Variants in RIOK3 observed in about 807,000 individuals in gnomAD.
RIOK3 encodes serine/threonine-protein kinase RIO3.
A neutral mutation model predicts 63.5 loss-of-function variants in RIOK3; 40 were observed. The ratio of observed to expected loss-of-function variants is 0.63; its 90% CI spans 0.49 to 0.82. The LOEUF (loss-of-function observed/expected upper bound fraction) is 0.82, where lower values mean the gene tolerates loss of function less well. RIOK3 is among the 40% of genes least tolerant of loss of function. RIOK3 has a pLI of 0.00. For missense variants in RIOK3, 557 were observed against 637.0 expected, an observed-to-expected ratio of 0.87 and a Z score of 1.35; for synonymous variants, 193 against 205.0, an observed-to-expected ratio of 0.94 and a Z score of 0.50.
At chr18:23,464,143 G>C in intron 3 of RIOK3, 31 bp downstream of exon 3, 1 of 1,607,834 alleles carries the variant, frequency 6.2e-7, no homozygotes, top group Non-Finnish European at 8.5e-7. Flanking sequence ...CAACTTCATT[G>C]AGTGGTAGAA....
Position 23,464,570 on chromosome 18 carries a change from T to C in RIOK3, c.485T>C (p.Ile162Thr), listed in dbSNP as rs201388220. 71 of 1,608,512 alleles carry C rather than the reference T, an allele frequency of 4.4e-5. No individual in the cohort carries two copies. The highest frequency in any genetic ancestry group is 5.7e-5 in the Non-Finnish European group (67 of 1,178,676). The change falls in exon 5 of 13, where the codon ATC becomes ACC. Residue 162 changes from isoleucine to threonine, a missense_variant. Ile to Thr is a moderately conservative substitution (Grantham distance 89, BLOSUM62 -1). Transcript: ENST00000339486. ...GGCTTTATTGGAAAAGGAAAAGATA[T>C]CACCACCAAACATGATGAAGTAGTA... ...KKGFIGKGKDITTKHDEVVCG... is the reference protein window; with the variant it reads ...KKGFIGKGKDTTTKHDEVVCG...
At chr18:23,480,452 T>A (rs1355736182) in intron 12 of RIOK3, among the ~76,000 whole-genome samples, 3 of 152,244 alleles carry the variant, frequency 2.0e-5, no homozygotes, top group Middle Eastern at 3.4e-3. Context: ...AAAACATAGA[T>A]GATTCCAATT....
At chr18:23,455,699 C>T (rs375198202) in intron 1 of RIOK3, among the ~76,000 whole-genome samples, 3 of 152,082 alleles carry the variant, frequency 2.0e-5, no homozygotes, top group African/African-American at 7.2e-5. Flanking sequence ...GGCTGGAGTG[C>T]AGTGGCATGA....
At position 23,476,226 on chromosome 18, in the gene RIOK3, T is replaced by G. The variant is rs73967108; in HGVS notation, c.1174-780T>G. Among the ~76,000 whole-genome samples, 402 of 152,330 alleles carry G rather than the reference T, an allele frequency of 2.6e-3. 3 individuals are homozygous for G. Among genetic ancestry groups the G allele is most frequent in the African/African-American group, 9.2e-3 (383 of 41,566 alleles). ...TGTTGGGAATCTCAAGGAAACTACA[T>G]GCTTTGAAATAGCAACTGAATTCAA... is the stretch of plus-strand genomic sequence containing the variant. On this transcript the variant is annotated intron_variant, in intron 9 of 12. Transcript: ENST00000339486.
At chr18:23,459,774 G>A (rs187334341) in intron 1 of RIOK3, among the ~76,000 whole-genome samples, 2 of 151,956 alleles carry the variant, frequency 1.3e-5, no homozygotes, top group Non-Finnish European at 2.9e-5. Context: ...GGGTTCAAGC[G>A]ATTCTTCTGC....
rs143310151 is a variant in RIOK3, at chr18:23,453,497, A to C, written c.58A>C (p.Ser20Arg). ...EPGTAAAWGP[S>R]KCPWAIPQNT... ...CGGGACGGCAGCGGCCTGGGGACCC[A>C]GCAAGGTAAGTGGCAGACGAGACTG... The change falls in exon 1 of 13, where the codon AGC (serine) becomes CGC (arginine). Residue 20 changes from serine (S) to arginine (R), a missense_variant. Physicochemically the swap from Ser to Arg is moderately radical, Grantham distance 110. This residue lies in a region of RIOK3 where 243 missense variants were observed against 275.4 expected (regional missense o/e 0.88). Transcript: ENST00000339486. 218 of 1,612,914 alleles carry C rather than the reference A, an allele frequency of 1.4e-4. No individual in the cohort carries two copies. The African/African-American group carries it at 2.7e-3, about 20-fold the overall frequency.
intron 1 of RIOK3, among the ~76,000 whole-genome samples, chr18:23,461,457 C>G (rs769130594): frequency 6.6e-6 from 1 of 152,114 alleles, no homozygotes; most frequent in Non-Finnish European, 1.5e-5. Flanking sequence ...CAGAAAGATT[C>G]GTTAGGATGC....
intron 1 of RIOK3, among the ~76,000 whole-genome samples, chr18:23,458,399 G>C (rs1191314226): frequency 6.6e-6 from 1 of 152,136 alleles, no homozygotes; most frequent in Non-Finnish European, 1.5e-5. Context: ...GTTCAGTGGT[G>C]GCAGTTTTGC....
At chr18:23,461,873 T>G (rs994682377) in intron 1 of RIOK3, among the ~76,000 whole-genome samples, 2 of 151,980 alleles carry the variant, frequency 1.3e-5, no homozygotes, top group Non-Finnish European at 2.9e-5. Flanking sequence ...GTAGATCACC[T>G]GAGGTTAGGA....
intron 7 of RIOK3, among the ~76,000 whole-genome samples, chr18:23,469,786 C>A (rs902859454): frequency 1.8e-4 from 27 of 152,012 alleles, no homozygotes; most frequent in African/African-American, 2.4e-5. Flanking sequence ...GTGCCTGGGT[C>A]AAAGCTCTGG....
At position 23,453,382 on chromosome 18, in the gene RIOK3, G is replaced by C; in HGVS notation, c.-58G>C. 7.2e-7 allele frequency: 1 copy of C among 1,396,006 alleles called. No individual in the cohort carries two copies. The highest frequency in any genetic ancestry group is 1.0e-6 in the Non-Finnish European group (1 of 983,406). The allele number at this position is 1,396,006 out of a possible 1,614,324, so 86.5% of individuals were successfully genotyped here. On this transcript the variant is annotated 5_prime_UTR_variant, in exon 1 of 13. Transcript: ENST00000339486. The stretch of plus-strand genomic sequence containing the variant: ...GTGTCCCGCCTGTCTCCTCGGCGGA[G>C]CCTGCTGCCCGTCCTGCCACCTCTC...
At chr18:23,473,135 A>G (rs2145695192) in intron 7 of RIOK3, among the ~76,000 whole-genome samples, 1 of 152,286 alleles carries the variant, frequency 6.6e-6, no homozygotes, top group South Asian at 2.1e-4. Flanking sequence ...GCCTATTTTC[A>G]AGTGCATATG....
rs368584198 is a variant in RIOK3 at position 23,462,142 on chromosome 18, A to ATTTTTT, written c.64-812_64-807dup. On this transcript the variant is annotated intron_variant, in intron 1 of 12. Coordinates refer to ENST00000339486, the MANE Select transcript of RIOK3 (RefSeq NM_003831.5). ...AAAAAATGTGTTGTTTGTTCTTGCTATTTTTTTTTTTTTTTGGCAGGGGGT... is the reference window on the plus strand; with the variant it reads ...AAAAAATGTGTTGTTTGTTCTTGCTATTTTTTTTTTTTTTTTTTTTTGGCAGGGGGT... 1.2e-3 allele frequency among the ~76,000 whole-genome samples: 136 copies of ATTTTTT among 112,858 alleles called. 1 individual carries two copies. Among genetic ancestry groups the ATTTTTT allele is most frequent in the African/African-American group, 4.6e-3 (132 of 28,884 alleles). 74.0% of individuals were successfully genotyped at this position (112,858 alleles called of 152,430 possible).
chr18:23,479,194 T>C, intron 11 of RIOK3, 123 bp from the exon 12 acceptor site: 2 of 615,888 alleles, frequency 3.2e-6, no homozygotes, highest in Non-Finnish European at 3.0e-6. Context: ...TGTGTGTGTG[T>C]GTGTGTGCGT....
chr18:23,477,350 G>A (rs2057498679), intron 11 of RIOK3, 82 bp downstream of exon 11: 1 of 1,044,126 alleles, frequency 9.6e-7, no homozygotes, highest in East Asian at 2.4e-5. Context: ...TAAGTAAGAG[G>A]ACCATATTCT....
At chr18:23,469,357 CCCTCCCTCCCT>C (rs2145687841) in intron 7 of RIOK3, among the ~76,000 whole-genome samples, 1 of 5,602 alleles carries the variant, frequency 1.8e-4, no homozygotes, top group African/African-American at 9.1e-4. Flanking sequence ...CCCCCTCTCT[CCCTCCCTCCCT>C]CCCTCCCTCC....
Position 23,453,395 on chromosome 18 carries a change from C to T in RIOK3, c.-45C>T. 1 of 1,505,234 alleles carries T rather than the reference C, an allele frequency of 6.6e-7. No individual in the cohort carries two copies. The highest frequency in any genetic ancestry group is 2.3e-5 in the East Asian group (1 of 44,210). The allele number at this position is 1,505,234 out of a possible 1,614,324, so 93.2% of individuals were successfully genotyped here. A position where few individuals can be genotyped will look rare whatever the true frequency, so the allele number is the denominator to read the frequency against. On this transcript the variant is annotated 5_prime_UTR_variant, in exon 1 of 13. Transcript: ENST00000339486. Reference sequence around the variant, plus strand: ...CTCCTCGGCGGAGCCTGCTGCCCGTCCTGCCACCTCTCTGCTCTGTTCTTG... The same window carrying T: ...CTCCTCGGCGGAGCCTGCTGCCCGTTCTGCCACCTCTCTGCTCTGTTCTTG...
At chr18:23,455,218 C>A (rs925634208) in intron 1 of RIOK3, among the ~76,000 whole-genome samples, 5 of 151,748 alleles carry the variant, frequency 3.3e-5, no homozygotes, top group African/African-American at 4.8e-5. Context: ...ATTACAGGCG[C>A]CTGCCACCAC....
At position 23,463,027 on chromosome 18, in the gene RIOK3, C is replaced by G. The variant is rs762569874; in HGVS notation, c.127C>G (p.Leu43Val). The G allele has an allele frequency of 3.7e-6, 6 of 1,609,590 alleles. No individual in the cohort carries two copies. The African/African-American group carries it at 8.0e-5, about 22-fold the overall frequency. ...CSLADVMSEQ[L>V]AKELQLEEEA... ...TTTGGCTGATGTAATGAGTGAACAGCTGGCCAAAGAATTGCAGTTAGAAGA... is the reference window on the plus strand; with the variant it reads ...TTTGGCTGATGTAATGAGTGAACAGGTGGCCAAAGAATTGCAGTTAGAAGA... The change falls in exon 2 of 13, where the codon CTG (leucine) becomes GTG (valine). Residue 43 changes from leucine (L) to valine (V), a missense_variant. Around this residue, in one of 3 missense-constraint regions of RIOK3, gnomAD observed 243 missense variants for 275.4 expected, o/e 0.88. Transcript: ENST00000339486.
Sources: allele counts gnomAD v4.1 joint callset (sites outside exome capture counted in the v4.1 genomes callset), GRCh38; gene constraint gnomAD v4.1.1; regional missense constraint gnomAD v4.1.1; transcripts MANE v1.5; gene names NCBI Gene and HGNC (gene_info 2026-07-23, HGNC 2026-07-21).